Variants in HEPHL1 observed in about 807,000 individuals in gnomAD.
HEPHL1 encodes hephaestin like 1.
In HEPHL1, 123 loss-of-function variants were observed where a neutral mutation model predicts 122.0. That is an observed-to-expected ratio of 1.01 (90% confidence interval 0.87 to 1.17). HEPHL1 has a LOEUF of 1.17. Ranked by LOEUF, HEPHL1 falls within the 50% of genes most tolerant of loss-of-function variation. HEPHL1 has a pLI of 0.00. For missense variants in HEPHL1, 1,452 were observed against 1,430.5 expected (o/e 1.01, Z -0.24); for synonymous variants, 527 against 508.9 (o/e 1.04, Z -0.48).
chr11:94,097,128 T>C (rs905150733), intron 13 of HEPHL1, among the ~76,000 whole-genome samples: 4 of 152,234 alleles, frequency 2.6e-5, no homozygotes, highest in Non-Finnish European at 5.9e-5. Context: ...CAATTTTAGA[T>C]CTTTCCTGCT....
At position 94,078,446 on chromosome 11, in the gene HEPHL1, C is replaced by CGTATATATATATAT. The variant is rs1946143393; in HGVS notation, c.1716+3061_1716+3062insGTATATATATATAT. ...GACACCAGCCACTACTCAGATGTTC[C>CGTATATATATATAT]ATATATATATATATATATATATATA... On this transcript the variant is annotated intron_variant, in intron 9 of 19. Coordinates refer to ENST00000315765, the MANE Select transcript of HEPHL1 (RefSeq NM_001098672.2). Among the ~76,000 whole-genome samples the CGTATATATATATAT allele has an allele frequency of 4.5e-5, 5 of 111,556 alleles. No individual in the cohort carries two copies. The Admixed American group carries it at 5.3e-4, about 12-fold the overall frequency. 73.2% of individuals were successfully genotyped at this position (111,556 alleles called of 152,430 possible).
chr11:94,042,831 T>A (rs1945795540), intron 1 of HEPHL1, among the ~76,000 whole-genome samples: 3 of 133,170 alleles, frequency 2.3e-5, no homozygotes, highest in South Asian at 2.5e-4. Context: ...CATATGTAAC[T>A]AACCTGCACA....
Position 94,113,827 on chromosome 11 carries a change from T to C in HEPHL1, c.*1933T>C, listed in dbSNP as rs1946471118. 1 of 152,214 alleles carries C rather than the reference T, an allele frequency of 6.6e-6. No individual in the cohort carries two copies. The highest frequency in any genetic ancestry group is 1.5e-5 in the Non-Finnish European group (1 of 68,026). The allele number at this position is 152,214 out of a possible 1,614,324, so 9.4% of individuals were successfully genotyped here. ...GAGGTGGTTAAAGTGGAATTAATTTTTAGATATTTAGGGGCTATGACTATG... is the reference window on the plus strand; with the variant it reads ...GAGGTGGTTAAAGTGGAATTAATTTCTAGATATTTAGGGGCTATGACTATG... On this transcript the variant is annotated 3_prime_UTR_variant, in exon 20 of 20. Coordinates refer to ENST00000315765, the MANE Select transcript of HEPHL1 (RefSeq NM_001098672.2).
At chr11:94,080,221 G>A (rs1448782460) in intron 9 of HEPHL1, among the ~76,000 whole-genome samples, 2 of 152,176 alleles carry the variant, frequency 1.3e-5, no homozygotes, top group Non-Finnish European at 2.9e-5. Flanking sequence ...AATAAGTGAT[G>A]CTGGGAGAAC....
At chr11:94,102,504 C>T (rs1259204940) in intron 14 of HEPHL1, among the ~76,000 whole-genome samples, 2 of 152,148 alleles carry the variant, frequency 1.3e-5, no homozygotes, top group African/African-American at 4.8e-5. Flanking sequence ...GGGGTGAGGC[C>T]TGAGCAGCAA....
rs759032916 is a variant in HEPHL1, at chr11:94,110,995, G to C, written c.3138G>C (p.Leu1046=). 1 of 1,611,194 alleles carries C rather than the reference G, an allele frequency of 6.2e-7. No individual in the cohort carries two copies. Among genetic ancestry groups the C allele is most frequent in the Non-Finnish European group, 8.5e-7 (1 of 1,178,576 alleles). ...ELFADHPGTW[L]LHCHVSDHIH... ...TTGCAGATCACCCAGGGACATGGCT[G>C]CTACACTGTCATGTGTCTGACCACA... is the stretch of plus-strand genomic sequence containing the variant. Residue 1046 remains leucine (L), a synonymous_variant, in exon 18 of 20, where the codon CTG becomes CTC. Coordinates refer to ENST00000315765, the MANE Select transcript of HEPHL1 (RefSeq NM_001098672.2).
At chr11:94,083,465 A>T (rs1197901465) in intron 10 of HEPHL1, among the ~76,000 whole-genome samples, 7 of 152,248 alleles carry the variant, frequency 4.6e-5, no homozygotes. Context: ...TAGCAGAGTA[A>T]TGAGAGTCCA....
chr11:94,094,749 G>A (rs1946296034), intron 13 of HEPHL1, among the ~76,000 whole-genome samples: 3 of 152,192 alleles, frequency 2.0e-5, no homozygotes, highest in Admixed American at 1.3e-4. Flanking sequence ...CTGATGGCCA[G>A]TGATGATGAG....
At chr11:94,031,757 C>T (rs1296008965) in intron 1 of HEPHL1, among the ~76,000 whole-genome samples, 1 of 152,298 alleles carries the variant, frequency 6.6e-6, no homozygotes, top group Non-Finnish European at 1.5e-5. Flanking sequence ...CCTTCTTGTC[C>T]CAGGACCTCC....
In HEPHL1 at chr11:94,104,702, C is replaced by A. The variant is rs542337286; in HGVS notation, c.2857C>A (p.Arg953=). Reference sequence around the variant, plus strand: ...TAAGAAGTATCTCAACAAAGATCCACGAGATTTTAAGCGCACTGATGATTT... The same window carrying A: ...TAAGAAGTATCTCAACAAAGATCCAAGAGATTTTAAGCGCACTGATGATTT... ...NIKKYLNKDP[R]DFKRTDDFEE... Residue 953 remains arginine (R), a synonymous_variant, in exon 16 of 20, where the codon CGA becomes AGA. Coordinates refer to ENST00000315765, the MANE Select transcript of HEPHL1 (RefSeq NM_001098672.2). The A allele has an allele frequency of 1.9e-6, 3 of 1,613,640 alleles. No homozygotes were observed. Among genetic ancestry groups the A allele is most frequent in the African/African-American group, 2.7e-5 (2 of 74,898 alleles).
In HEPHL1 at chr11:94,104,670, A is replaced by G. The variant is rs749747540; in HGVS notation, c.2825A>G (p.Asp942Gly). Reference protein sequence around the residue: ...FNENESWYLDDNIKKYLNKDP... With the variant: ...FNENESWYLDGNIKKYLNKDP... ...GAGAATGAATCCTGGTATCTGGATGACAATATTAAGAAGTATCTCAACAAA... is the reference window on the plus strand; with the variant it reads ...GAGAATGAATCCTGGTATCTGGATGGCAATATTAAGAAGTATCTCAACAAA... The change falls in exon 16 of 20, where the codon GAC becomes GGC. Residue 942 changes from aspartate to glycine, a missense_variant. Transcript: ENST00000315765. 1 of 1,613,694 alleles carries G rather than the reference A, an allele frequency of 6.2e-7. No homozygotes were observed. The highest frequency in any genetic ancestry group is 8.5e-7 in the Non-Finnish European group (1 of 1,179,580).
chr11:94,038,279 A>C (rs1945744024), intron 1 of HEPHL1, among the ~76,000 whole-genome samples: 1 of 147,828 alleles, frequency 6.8e-6, no homozygotes, highest in Admixed American at 6.7e-5. Flanking sequence ...GAATGGAACC[A>C]AGTTGGAAAA....
At chr11:94,036,838 C>CA (rs71305380) in intron 1 of HEPHL1, among the ~76,000 whole-genome samples, 42,864 of 103,606 alleles carry the variant, frequency 0.41, 8,517 homozygotes, top group Non-Finnish European at 0.45. Flanking sequence ...GACTCCGTCT[C>CA]AAAAAAAAAA....
At chr11:94,052,875 T>TC (rs1945902588) in intron 2 of HEPHL1, among the ~76,000 whole-genome samples, 2 of 152,130 alleles carry the variant, frequency 1.3e-5, no homozygotes, top group African/African-American at 2.4e-5. Flanking sequence ...TGGATGCAAT[T>TC]TGCTAATATT....
At chr11:94,033,122 C>G (rs1050374520) in intron 1 of HEPHL1, among the ~76,000 whole-genome samples, 1 of 152,162 alleles carries the variant, frequency 6.6e-6, no homozygotes, top group African/African-American at 2.4e-5. Flanking sequence ...CCGCTTGGCC[C>G]TCTTCCAAGG....
intron 14 of HEPHL1, among the ~76,000 whole-genome samples, chr11:94,102,550 G>A (rs1396460953): frequency 2.0e-5 from 3 of 152,314 alleles, no homozygotes; most frequent in South Asian, 2.1e-4. Flanking sequence ...CCCATAAGAG[G>A]CCAAAGCAGA....
chr11:94,084,127 C>T (rs1946196356), intron 10 of HEPHL1, among the ~76,000 whole-genome samples: 1 of 151,980 alleles, frequency 6.6e-6, no homozygotes, highest in African/African-American at 2.4e-5. Context: ...GAGTTCAAGA[C>T]CAGCCTGGGC....
At chr11:94,106,249 C>A in intron 17 of HEPHL1, 119 bp downstream of exon 17, 3 of 659,112 alleles carry the variant, frequency 4.6e-6, no homozygotes, top group Non-Finnish European at 7.3e-6. Context: ...GAGAATGGAA[C>A]AGAATAATGT....
chr11:94,022,898 G>A (rs1945593578), intron 1 of HEPHL1, among the ~76,000 whole-genome samples: 1 of 152,220 alleles, frequency 6.6e-6, no homozygotes, highest in South Asian at 2.1e-4. Context: ...TGTTGAAAGT[G>A]TGTACACTGA....
Sources: gnomAD v4.1 joint callset for allele counts (sites outside exome capture counted in the v4.1 genomes callset) on GRCh38, gnomAD v4.1.1 for gene constraint, MANE v1.5 for transcripts, NCBI Gene and HGNC (gene_info 2026-07-23, HGNC 2026-07-21) for gene names.